Variants in EGFR observed in about 807,000 individuals in gnomAD.
EGFR encodes avian erythroblastic leukemia viral (v-erb-b) oncogene homolog.
In EGFR, 58 loss-of-function variants were observed where a neutral mutation model predicts 143.0. The observed-to-expected ratio is 0.41, with a 90% CI of 0.33 to 0.50. The LOEUF (loss-of-function observed/expected upper bound fraction) is 0.50. Among genes scored for constraint, EGFR ranks in the 20% least tolerant of loss-of-function variants. EGFR has a pLI of 0.39. For missense variants in EGFR, 1,307 were observed against 1,579.0 expected, an observed-to-expected ratio of 0.83 and a Z score of 2.92; for synonymous variants, 613 against 594.4, an observed-to-expected ratio of 1.03 and a Z score of -0.45.
intron 1 of EGFR, among the ~76,000 whole-genome samples, chr7:55,113,399 CT>C (rs1431859676): frequency 1.3e-5 from 2 of 152,162 alleles, no homozygotes; most frequent in Middle Eastern, 3.4e-3. Flanking sequence ...AAATTTCCTT[CT>C]TTTTTTTCCC....
intron 1 of EGFR, among the ~76,000 whole-genome samples, chr7:55,020,104 A>T (rs1485128235): frequency 6.6e-6 from 1 of 152,196 alleles, no homozygotes; most frequent in African/African-American, 2.4e-5. Flanking sequence ...GGCGGCGGTT[A>T]GTTTCCTCGT....
At chr7:55,190,565 G>A (rs999081619) in intron 20 of EGFR, among the ~76,000 whole-genome samples, 1 of 151,990 alleles carries the variant, frequency 6.6e-6, no homozygotes, top group African/African-American at 2.4e-5. Context: ...CACATCTACA[G>A]CTTTTCCCTG....
intron 1 of EGFR, among the ~76,000 whole-genome samples, chr7:55,110,374 C>T (rs1446917091): frequency 6.6e-6 from 1 of 152,148 alleles, no homozygotes; most frequent in East Asian, 1.9e-4. Flanking sequence ...AAAGCAGAAG[C>T]ATGTATCCAG....
chr7:55,157,886 A>C (rs1785508225), intron 11 of EGFR, 133 bp downstream of exon 11: 92 of 896,546 alleles, frequency 1.0e-4, no homozygotes, highest in Non-Finnish European at 1.4e-4. Context: ...ATGCTATCTC[A>C]CATGAGCAGG....
chr7:55,205,175 T>G, intron 27 of EGFR, 81 bp from the exon 28 acceptor site: 1 of 1,574,696 alleles, frequency 6.4e-7, no homozygotes, highest in Non-Finnish European at 8.6e-7. Flanking sequence ...TTGAGGACAT[T>G]CACAGGGTTC....
rs367694667 is a variant in EGFR, at chr7:55,174,025, G to A, written c.2166G>A (p.Ala722=). 109 of 1,614,106 alleles carry A rather than the reference G, an allele frequency of 6.8e-5. No individual in the cohort carries two copies. The highest frequency in any genetic ancestry group is 2.6e-4 in the South Asian group (24 of 91,086). Residue 722 remains alanine (A), a synonymous_variant, in exon 18 of 28, where the codon GCG becomes GCA. Coordinates refer to ENST00000275493, the MANE Select transcript of EGFR (RefSeq NM_005228.5). ...FKKIKVLGSG[A]FGTVYKGLWI... The stretch of plus-strand genomic sequence containing the variant: ...AGATCAAAGTGCTGGGCTCCGGTGC[G>A]TTCGGCACGGTGTATAAGGTAAGGT...
At chr7:55,073,882 T>A (rs1789981599) in intron 1 of EGFR, among the ~76,000 whole-genome samples, 3 of 152,254 alleles carry the variant, frequency 2.0e-5, no homozygotes, top group Non-Finnish European at 4.4e-5. Flanking sequence ...TGCACAGGGA[T>A]GCCTATCCTC....
rs549288195 is a variant in EGFR, at chr7:55,075,511, A to G, written c.88+56146A>G. Among the ~76,000 whole-genome samples the G allele has an allele frequency of 2.0e-5, 3 of 152,312 alleles. No individual in the cohort carries two copies. The South Asian group carries it at 6.2e-4, about 32-fold the overall frequency. On this transcript the variant is annotated intron_variant, in intron 1 of 27. Coordinates refer to ENST00000275493, the MANE Select transcript of EGFR (RefSeq NM_005228.5). The stretch of plus-strand genomic sequence containing the variant: ...TTTTGGAACAAATTTACCAATCTGA[A>G]TTTCCCCCTAGATTAGGTCACAGGA...
At chr7:55,092,767 G>A (rs1478053993) in intron 1 of EGFR, among the ~76,000 whole-genome samples, 4 of 152,222 alleles carry the variant, frequency 2.6e-5, no homozygotes, top group East Asian at 1.9e-4. Context: ...GGCCTGCCCC[G>A]GCGTCAGCCG....
At chr7:55,156,345 C>G (rs1785418167) in intron 8 of EGFR, among the ~76,000 whole-genome samples, 188 bp from the exon 9 acceptor site, 1 of 152,200 alleles carries the variant, frequency 6.6e-6, no homozygotes, top group Non-Finnish European at 1.5e-5. Flanking sequence ...TACTATAGGT[C>G]CTGGTGTCCC....
chr7:55,033,080 G>T (rs1050032390), intron 1 of EGFR, among the ~76,000 whole-genome samples: 2 of 152,128 alleles, frequency 1.3e-5, no homozygotes, highest in Admixed American at 6.5e-5. Flanking sequence ...AATTTTTATA[G>T]CAGGCTAAAG....
rs760101437 is a variant in EGFR, at chr7:55,154,018, G to A, written c.755G>A (p.Arg252His). ...GPRESDCLVC[R>H]KFRDEATCKD... ...GTCCTCTCTCCTCCATAGGTCTGCC[G>A]CAAATTCCGAGACGAAGCCACGTGC... Residue 252 changes from arginine to histidine, a missense_variant, in exon 7 of 28, where the codon CGC becomes CAC. Physicochemically the swap from Arg to His is conservative, Grantham distance 29 (BLOSUM62 0). Around this residue, in one of 7 missense-constraint regions of EGFR, gnomAD observed 311 missense variants for 412.3 expected, o/e 0.75. Transcript: ENST00000275493. The A allele has an allele frequency of 2.4e-5, 38 of 1,614,024 alleles. No homozygotes were observed. The highest frequency in any genetic ancestry group is 4.0e-5 in the African/African-American group (3 of 74,886).
chr7:55,032,301 T>C (rs1787299130), intron 1 of EGFR, among the ~76,000 whole-genome samples: 1 of 152,158 alleles, frequency 6.6e-6, no homozygotes, highest in African/African-American at 2.4e-5. Context: ...AGACAGAGGA[T>C]GATTAAATCA....
At position 55,080,946 on chromosome 7, in the gene EGFR, C is replaced by T. The variant is rs540357198; in HGVS notation, c.89-61340C>T. 1.4e-4 allele frequency among the ~76,000 whole-genome samples: 22 copies of T among 152,262 alleles called. No homozygotes were observed. The South Asian group carries it at 2.9e-3, about 20-fold the overall frequency. ...TGATCTAGTGACACTAGCCATTTATCAGGACGTATGGGTGCCAGTCAGGAT... is the reference window on the plus strand; with the variant it reads ...TGATCTAGTGACACTAGCCATTTATTAGGACGTATGGGTGCCAGTCAGGAT... On this transcript the variant is annotated intron_variant, in intron 1 of 27. Coordinates refer to ENST00000275493, the MANE Select transcript of EGFR (RefSeq NM_005228.5).
intron 27 of EGFR, among the ~76,000 whole-genome samples, chr7:55,203,361 C>T (rs1207445095): frequency 3.4e-5 from 5 of 146,446 alleles, no homozygotes; most frequent in Non-Finnish European, 7.5e-5. Context: ...ACACATACAC[C>T]ATGCATACAT....
chr7:55,076,821 C>T (rs17335989), intron 1 of EGFR, among the ~76,000 whole-genome samples: 27 of 152,198 alleles, frequency 1.8e-4, no homozygotes, highest in African/African-American at 6.3e-4. Context: ...TCTGACCACC[C>T]GCTTATCTAT....
At chr7:55,120,516 T>A (rs907265464) in intron 1 of EGFR, among the ~76,000 whole-genome samples, 1 of 152,148 alleles carries the variant, frequency 6.6e-6, no homozygotes, top group African/African-American at 2.4e-5. Context: ...CTGCAAAGCA[T>A]CCCCCATTTT....
intron 1 of EGFR, among the ~76,000 whole-genome samples, chr7:55,117,177 C>A (rs1267782806): frequency 6.6e-6 from 1 of 152,208 alleles, no homozygotes; most frequent in Non-Finnish European, 1.5e-5. Context: ...TCTTCCATAT[C>A]AATTACTTAA....
At chr7:55,092,201 G>C (rs1460193396) in intron 1 of EGFR, among the ~76,000 whole-genome samples, 1 of 152,106 alleles carries the variant, frequency 6.6e-6, no homozygotes, top group Non-Finnish European at 1.5e-5. Context: ...CACAATATTG[G>C]CAAGTGAAAT....
Sources: allele counts gnomAD v4.1 joint callset (sites outside exome capture counted in the v4.1 genomes callset), GRCh38; gene constraint gnomAD v4.1.1; regional missense constraint gnomAD v4.1.1; transcripts MANE v1.5; gene names NCBI Gene and HGNC (gene_info 2026-07-23, HGNC 2026-07-21).